DNAJC3: variants seen among roughly 807,000 people sequenced by gnomAD.
DNAJC3 encodes dnaJ homolog subfamily C member 3.
DNAJC3 carries 38 observed loss-of-function variants against 68.6 expected under a neutral mutation model. That is an observed-to-expected ratio of 0.55 (90% CI 0.43 to 0.73). The LOEUF (loss-of-function observed/expected upper bound fraction) is 0.73, where lower values mean the gene tolerates loss of function less well. Among genes scored for constraint, DNAJC3 ranks in the 30% least tolerant of loss-of-function variants. The pLI is 0.00. For synonymous variants in DNAJC3, 203 were observed against 204.0 expected (o/e 1.00, Z 0.04); for missense variants, 526 against 591.9 (o/e 0.89, Z 1.16).
chr13:95,794,692 G>A lies in DNAJC3; in HGVS notation c.*3662G>A, dbSNP rs1883908334. 6.6e-6 allele frequency: 1 copy of A among 152,192 alleles called. No homozygotes were observed. The highest frequency in any genetic ancestry group is 1.5e-5 in the Non-Finnish European group (1 of 68,032). The allele number at this position is 152,192 out of a possible 1,614,324, so 9.4% of individuals were successfully genotyped here. On this transcript the variant is annotated 3_prime_UTR_variant, in exon 12 of 12. Transcript: ENST00000602402. ...AAAATTAGCCACTGCGTGGCTTTGTGTATAGTAACCGGTTTTGTTGCACTT... is the reference window on the plus strand; with the variant it reads ...AAAATTAGCCACTGCGTGGCTTTGTATATAGTAACCGGTTTTGTTGCACTT...
intron 1 of DNAJC3, among the ~76,000 whole-genome samples, chr13:95,679,305 CT>C (rs112100171): frequency 0.092 from 13,453 of 146,192 alleles, 877 homozygotes; most frequent in African/African-American, 0.19. Context: ...ACATGGAGGG[CT>C]TTTTAAAACA....
chr13:95,720,861 ATT>A lies in DNAJC3; in HGVS notation c.194-2372_194-2371del, dbSNP rs544509323. 1.5e-3 allele frequency among the ~76,000 whole-genome samples: 223 copies of A among 149,700 alleles called. 1 individual carries two copies. The highest frequency in any genetic ancestry group is 5.3e-3 in the African/African-American group (217 of 40,840). Reference sequence around the variant, plus strand: ...ACCTAATTCCTTTTTTAAAAAATACATTTTTTTTTTCTGACTGGTTCATGTTT... The same window carrying A: ...ACCTAATTCCTTTTTTAAAAAATACATTTTTTTTCTGACTGGTTCATGTTT... On this transcript the variant is annotated intron_variant, in intron 2 of 11. Coordinates refer to ENST00000602402, the MANE Select transcript of DNAJC3 (RefSeq NM_006260.5).
At position 95,768,027 on chromosome 13, in the gene DNAJC3, T is replaced by G. The variant is rs148568832; in HGVS notation, c.1075+4074T>G. On this transcript the variant is annotated intron_variant, in intron 9 of 11. Transcript: ENST00000602402. ...GCTGGTCAACATTTTAGATTTTCTG[T>G]TTTTTCAATAGTAGCCATCTTAATG... Among the ~76,000 whole-genome samples the G allele has an allele frequency of 7.3e-3, 1,114 of 152,212 alleles. 21 individuals carry two copies. Among genetic ancestry groups the G allele is most frequent in the Non-Finnish European group, 6.0e-3 (411 of 68,014 alleles).
chr13:95,685,394 A>T (rs1412654317), intron 1 of DNAJC3, among the ~76,000 whole-genome samples: 3 of 152,246 alleles, frequency 2.0e-5, no homozygotes, highest in African/African-American at 7.2e-5. Context: ...TATTTACCCA[A>T]TGCCTATAAT....
intron 1 of DNAJC3, among the ~76,000 whole-genome samples, chr13:95,678,675 A>G (rs1879833603): frequency 6.6e-6 from 1 of 152,200 alleles, no homozygotes; most frequent in Non-Finnish European, 1.5e-5. Flanking sequence ...GTTATCATTA[A>G]TAATTTATTT....
At chr13:95,702,621 C>T (rs1052245712) in intron 1 of DNAJC3, among the ~76,000 whole-genome samples, 37 of 152,194 alleles carry the variant, frequency 2.4e-4, no homozygotes, top group African/African-American at 8.0e-4. Flanking sequence ...CACATAGGGA[C>T]TCAACAAGAA....
Position 95,740,801 on chromosome 13 carries a change from C to A in DNAJC3, c.393+15549C>A, listed in dbSNP as rs17878562. On this transcript the variant is annotated intron_variant, in intron 4 of 11. Coordinates refer to ENST00000602402, the MANE Select transcript of DNAJC3 (RefSeq NM_006260.5). Reference sequence around the variant, plus strand: ...GTCGCTCACGCTGGGAGCTGTAGACCGGAGCTGTTCCTATTCGGCCATCTT... The same window carrying A: ...GTCGCTCACGCTGGGAGCTGTAGACAGGAGCTGTTCCTATTCGGCCATCTT... Among the ~76,000 whole-genome samples, 330 of 152,056 alleles carry A rather than the reference C, an allele frequency of 2.2e-3. 4 individuals carry two copies. Among genetic ancestry groups the A allele is most frequent in the African/African-American group, 7.6e-3 (314 of 41,458 alleles).
At chr13:95,710,233 C>CTTTTTTTTT (rs66976007) in intron 2 of DNAJC3, among the ~76,000 whole-genome samples, 4 of 130,982 alleles carry the variant, frequency 3.1e-5, no homozygotes, top group Non-Finnish European at 1.6e-5. Context: ...CTTTTCTTTT[C>CTTTTTTTTT]TTTTTTTTTT....
At chr13:95,772,021 GTAAA>G in intron 9 of DNAJC3, among the ~76,000 whole-genome samples, 1 of 152,290 alleles carries the variant, frequency 6.6e-6, no homozygotes, top group African/African-American at 2.4e-5. Context: ...GAGCCAAATA[GTAAA>G]TAGAGACCCT....
intron 4 of DNAJC3, among the ~76,000 whole-genome samples, chr13:95,733,230 A>G (rs1881772603): frequency 6.6e-6 from 1 of 152,118 alleles, no homozygotes; most frequent in Non-Finnish European, 1.5e-5. Context: ...AGAGTGGGGT[A>G]TTAAAGTCCC....
chr13:95,731,070 T>C (rs1881692893), intron 4 of DNAJC3, among the ~76,000 whole-genome samples: 1 of 152,208 alleles, frequency 6.6e-6, no homozygotes, highest in African/African-American at 2.4e-5. Flanking sequence ...ATTGCTGTTG[T>C]AAATGGGATT....
chr13:95,683,590 A>G (rs530567940), intron 1 of DNAJC3, among the ~76,000 whole-genome samples: 7 of 152,174 alleles, frequency 4.6e-5, no homozygotes, highest in Admixed American at 3.9e-4. Context: ...TTCATGTACA[A>G]CCTACAGAAC....
At chr13:95,698,227 A>G (rs1022070990) in intron 1 of DNAJC3, among the ~76,000 whole-genome samples, 1 of 151,904 alleles carries the variant, frequency 6.6e-6, no homozygotes, top group African/African-American at 2.4e-5. Context: ...GTGCAATTCA[A>G]CCTACAGGCC....
intron 1 of DNAJC3, among the ~76,000 whole-genome samples, chr13:95,706,817 A>G (rs920163267): frequency 1.3e-5 from 2 of 152,200 alleles, no homozygotes; most frequent in African/African-American, 4.8e-5. Flanking sequence ...CACAGGAGAA[A>G]CTTGGTGAGA....
chr13:95,747,364 A>G (rs1472148029), intron 4 of DNAJC3, among the ~76,000 whole-genome samples: 2 of 152,210 alleles, frequency 1.3e-5, no homozygotes, highest in East Asian at 3.9e-4. Context: ...GCATTCCTAA[A>G]GGAGGTTACT....
intron 4 of DNAJC3, among the ~76,000 whole-genome samples, chr13:95,743,108 T>C (rs1882199344): frequency 6.6e-6 from 1 of 152,282 alleles, no homozygotes; most frequent in Non-Finnish European, 1.5e-5. Context: ...GGACTATTTC[T>C]AGGTTCTTTA....
chr13:95,754,526 C>T (rs1429872207), intron 4 of DNAJC3, among the ~76,000 whole-genome samples: 1 of 151,978 alleles, frequency 6.6e-6, no homozygotes, highest in African/African-American at 2.4e-5. Context: ...ATTCAAAATG[C>T]ATCAAAGATT....
intron 4 of DNAJC3, among the ~76,000 whole-genome samples, chr13:95,749,816 G>C (rs556250089): frequency 6.6e-6 from 1 of 152,000 alleles, no homozygotes; most frequent in East Asian, 1.9e-4. Flanking sequence ...TTGTGAGGCC[G>C]AGGCAGGCGG....
intron 9 of DNAJC3, among the ~76,000 whole-genome samples, chr13:95,768,692 C>T (rs141243450): frequency 6.6e-6 from 1 of 152,056 alleles, no homozygotes; most frequent in Non-Finnish European, 1.5e-5. Flanking sequence ...AAATTTATAC[C>T]GGCCAGGCAC....
Sources: allele counts gnomAD v4.1 joint callset (sites outside exome capture counted in the v4.1 genomes callset), GRCh38; gene constraint gnomAD v4.1.1; transcripts MANE v1.5; gene names NCBI Gene and HGNC (gene_info 2026-07-23, HGNC 2026-07-21).